RTN1: variants seen among roughly 807,000 people sequenced by gnomAD.
RTN1 encodes the protein reticulon-1.
RTN1 carries 25 observed loss-of-function variants against 65.5 expected under a neutral mutation model. That is an observed-to-expected ratio of 0.38 (90% CI 0.28 to 0.53). The LOEUF (loss-of-function observed/expected upper bound fraction) is 0.53. RTN1 is among the 20% of genes least tolerant of loss of function. The pLI is 0.79. For synonymous variants in RTN1, 471 were observed against 447.6 expected (o/e 1.05, Z -0.66); for missense variants, 983 against 1,025.4 (o/e 0.96, Z 0.57).
In RTN1 at chr14:59,746,068, C is replaced by G. The variant is rs370447872; in HGVS notation, c.655G>C (p.Asp219His). 1 of 1,613,990 alleles carries G rather than the reference C, an allele frequency of 6.2e-7. No individual in the cohort carries two copies. Among genetic ancestry groups the G allele is most frequent in the Non-Finnish European group, 8.5e-7 (1 of 1,180,026 alleles). ...EQHHPELEDK[D>H]LDFKNKDTDI... is the part of the protein sequence containing the mutation. ...GTGTCTTTATTCTTAAAGTCCAAGT[C>G]TTTATCTTCCAGCTCGGGGTGATGT... The change falls in exon 2 of 9, where the codon GAC becomes CAC. Residue 219 changes from aspartate to histidine, a missense_variant. Asp to His is a moderately conservative substitution (Grantham distance 81). This residue lies in a region of RTN1 where 818 missense variants were observed against 801.8 expected (regional missense o/e 1.02). Coordinates refer to ENST00000267484, the MANE Select transcript of RTN1 (RefSeq NM_021136.3).
chr14:59,866,038 T>C (rs1302944927), intron 1 of RTN1, among the ~76,000 whole-genome samples: 1 of 149,378 alleles, frequency 6.7e-6, no homozygotes, highest in Admixed American at 6.6e-5. Context: ...AACTAACTCA[T>C]ACCCTTGTGC....
At chr14:59,657,826 C>G (rs1370878561) in intron 3 of RTN1, among the ~76,000 whole-genome samples, 2 of 151,020 alleles carry the variant, frequency 1.3e-5, no homozygotes, top group African/African-American at 2.5e-5. Context: ...GCCATTTGGG[C>G]AGACACCGAG....
intron 2 of RTN1, among the ~76,000 whole-genome samples, chr14:59,736,236 A>G (rs1281832775): frequency 1.3e-5 from 2 of 152,156 alleles, no homozygotes; most frequent in African/African-American, 4.8e-5. Flanking sequence ...AAACAAATCT[A>G]GGAGCTGTTT....
At chr14:59,673,988 A>C (rs1179032503) in intron 3 of RTN1, among the ~76,000 whole-genome samples, 1 of 152,110 alleles carries the variant, frequency 6.6e-6, no homozygotes, top group African/African-American at 2.4e-5. Flanking sequence ...TATTTGTGTG[A>C]GTGTCTATTA....
At chr14:59,625,051 A>G (rs1389246608) in intron 3 of RTN1, among the ~76,000 whole-genome samples, 1 of 152,194 alleles carries the variant, frequency 6.6e-6, no homozygotes, top group East Asian at 1.9e-4. Flanking sequence ...GATGAGAAAT[A>G]ACTGTGTACA....
chr14:59,811,580 ATTACAG>A (rs1418237623), intron 1 of RTN1, among the ~76,000 whole-genome samples: 1 of 152,192 alleles, frequency 6.6e-6, no homozygotes, highest in African/African-American at 2.4e-5. Context: ...GAAATCAAAC[ATTACAG>A]TTTTTTCAGG....
chr14:59,608,010 A>C (rs1950784), intron 3 of RTN1, among the ~76,000 whole-genome samples: 114,020 of 152,058 alleles, frequency 0.75, 43,134 homozygotes, highest in East Asian at 0.86. Flanking sequence ...ATCTGAAATG[A>C]AACCTTTAAA....
chr14:59,761,754 G>T (rs557078226), intron 1 of RTN1, among the ~76,000 whole-genome samples: 8 of 152,320 alleles, frequency 5.3e-5, no homozygotes, highest in Admixed American at 3.9e-4. Context: ...GGTACAGCCA[G>T]CCCATACCAT....
intron 1 of RTN1, among the ~76,000 whole-genome samples, chr14:59,765,045 T>C (rs1181122687): frequency 1.3e-5 from 2 of 152,232 alleles, no homozygotes; most frequent in Non-Finnish European, 2.9e-5. Context: ...TTAAAATGTC[T>C]TTTAACTTCA....
intron 1 of RTN1, among the ~76,000 whole-genome samples, chr14:59,851,612 C>T (rs1454405092): frequency 1.3e-5 from 2 of 152,076 alleles, no homozygotes; most frequent in Non-Finnish European, 2.9e-5. Flanking sequence ...GTAATCCCAG[C>T]ACTTTGGGAG....
intron 1 of RTN1, among the ~76,000 whole-genome samples, chr14:59,812,368 TAAG>T (rs756858778): frequency 6.6e-6 from 1 of 152,146 alleles, no homozygotes; most frequent in Non-Finnish European, 1.5e-5. Flanking sequence ...GTTAAATGGT[TAAG>T]AAATACATAA....
chr14:59,609,694 G>A (rs1257228289), intron 3 of RTN1, among the ~76,000 whole-genome samples: 1 of 152,132 alleles, frequency 6.6e-6, no homozygotes, highest in African/African-American at 2.4e-5. Context: ...GGGGCCTCCA[G>A]GTATTTACTC....
chr14:59,860,843 A>T (rs1329342133), intron 1 of RTN1, among the ~76,000 whole-genome samples: 1 of 152,190 alleles, frequency 6.6e-6, no homozygotes, highest in African/African-American at 2.4e-5. Context: ...GATTTCAGAC[A>T]TGCATGGGGA....
At chr14:59,707,753 A>C (rs1418480630) in intron 3 of RTN1, among the ~76,000 whole-genome samples, 5 of 151,958 alleles carry the variant, frequency 3.3e-5, no homozygotes, top group Admixed American at 1.3e-4. Context: ...AAATACATAC[A>C]CACAAACACA....
chr14:59,731,843 A>C (rs1215121308), intron 2 of RTN1, among the ~76,000 whole-genome samples: 2 of 152,156 alleles, frequency 1.3e-5, no homozygotes, highest in Non-Finnish European at 2.9e-5. Context: ...GGTCTCCCCC[A>C]GAGTTCTTCC....
At chr14:59,679,731 C>T (rs545466211) in intron 3 of RTN1, among the ~76,000 whole-genome samples, 10 of 152,162 alleles carry the variant, frequency 6.6e-5, no homozygotes, top group Non-Finnish European at 1.5e-4. Context: ...TCACACTCAA[C>T]CTATCACTTA....
At position 59,641,220 on chromosome 14, in the gene RTN1, G is replaced by T. The variant is rs183438161; in HGVS notation, c.1766-33728C>A. The stretch of plus-strand genomic sequence containing the variant: ...TGGGTTTGGGACATCCACCCACCTT[G>T]GCCTCCCAAGTGTTAGGATTACAGG... On this transcript the variant is annotated intron_variant, in intron 3 of 8. Coordinates refer to ENST00000267484, the MANE Select transcript of RTN1 (RefSeq NM_021136.3). Among the ~76,000 whole-genome samples, 50 of 152,228 alleles carry T rather than the reference G, an allele frequency of 3.3e-4. No individual in the cohort carries two copies. The East Asian group carries it at 4.8e-3, about 15-fold the overall frequency.
chr14:59,759,270 A>C lies in RTN1; in HGVS notation c.242-12789T>G, dbSNP rs1434653381. 2.6e-5 allele frequency among the ~76,000 whole-genome samples: 4 copies of C among 152,226 alleles called. No individual in the cohort carries two copies. The South Asian group carries it at 8.3e-4, about 32-fold the overall frequency. On this transcript the variant is annotated intron_variant, in intron 1 of 8. Coordinates refer to ENST00000267484, the MANE Select transcript of RTN1 (RefSeq NM_021136.3). ...TAAACATTTCCATTAATGTGATCTC[A>C]TTGCTTGCTCTGCACACTTAGTAAA...
chr14:59,822,947 CTG>C (rs1477772398), intron 1 of RTN1, among the ~76,000 whole-genome samples: 2 of 151,354 alleles, frequency 1.3e-5, no homozygotes, highest in Non-Finnish European at 2.9e-5. Context: ...AGAGTATGTG[CTG>C]TGTGTTGATG....
Sources: gnomAD v4.1 joint callset for allele counts (sites outside exome capture counted in the v4.1 genomes callset) on GRCh38, gnomAD v4.1.1 for gene constraint, gnomAD v4.1.1 regional missense constraint, MANE v1.5 for transcripts, NCBI Gene and HGNC (gene_info 2026-07-23, HGNC 2026-07-21) for gene names.